The following DMD variants were observed in gnomAD, a reference collection of about 807,000 sequenced individuals.
DMD encodes dystrophin.
In DMD, 63 loss-of-function variants were observed where a neutral mutation model predicts 330.1. That is an observed-to-expected ratio of 0.19 (90% CI 0.16 to 0.24). DMD has a LOEUF of 0.24. Among genes scored for constraint, DMD ranks in the 10% least tolerant of loss-of-function variants. The pLI, the probability that DMD is intolerant of heterozygous loss-of-function variation, is 1.00. For missense variants in DMD, 3,344 were observed against 2,684.1 expected, an observed-to-expected ratio of 1.25 and a Z score of -5.43; for synonymous variants, 1,223 against 959.8, an observed-to-expected ratio of 1.27 and a Z score of -5.07.
intron 2 of DMD, among the ~76,000 whole-genome samples, chrX:32,999,912 G>A (rs1038695285): frequency 2.7e-5 from 3 of 112,549 alleles, no homozygotes; most frequent in Admixed American, 9.4e-5. Flanking sequence ...GAAGCGTCAC[G>A]TACACGTGTT....
chrX:32,575,055 G>A (rs1387121547), intron 13 of DMD, among the ~76,000 whole-genome samples: 1 of 110,413 alleles, frequency 9.1e-6, no homozygotes, highest in African/African-American at 3.3e-5. Flanking sequence ...CCACCACCAT[G>A]TCTGGCTAAT....
rs1205052509 is a variant in DMD, at chrX:31,449,779, T to TAGATAGATAG, written c.8938-5153_8938-5152insCTATCTATCT. Among the ~76,000 whole-genome samples, 221 of 90,419 alleles carry TAGATAGATAG rather than the reference T, an allele frequency of 2.4e-3. 1 individual carries two copies. Among genetic ancestry groups the TAGATAGATAG allele is most frequent in the African/African-American group, 7.5e-3 (178 of 23,836 alleles). The allele number at this position is 90,419 out of a possible 115,157, so 78.5% of individuals were successfully genotyped here. A position where few individuals can be genotyped will look rare whatever the true frequency, so the allele number is the denominator to read the frequency against. ...AAATGGTGTGATATATATATATATATATATATATATATATATATAGATAGA... is the reference window on the plus strand; with the variant it reads ...AAATGGTGTGATATATATATATATATAGATAGATAGATATATATATATATATATAGATAGA... On this transcript the variant is annotated intron_variant, in intron 59 of 78. Transcript: ENST00000357033.
chrX:32,051,141 C>A (rs2096111176), intron 44 of DMD, among the ~76,000 whole-genome samples: 2 of 109,230 alleles, frequency 1.8e-5, no homozygotes, highest in South Asian at 3.9e-4. Flanking sequence ...ATCACACCCA[C>A]AATTACTGAT....
intron 9 of DMD, among the ~76,000 whole-genome samples, chrX:32,652,276 TCCCTCCC>T (rs1265611856): frequency 1.4e-5 from 1 of 69,193 alleles, no homozygotes; most frequent in Non-Finnish European, 2.7e-5. Context: ...CCTAATACTA[TCCCTCCC>T]CCCTCCCCCC....
chrX:33,045,652 G>A (rs904072659), intron 1 of DMD, among the ~76,000 whole-genome samples: 1 of 108,813 alleles, frequency 9.2e-6, no homozygotes, highest in African/African-American at 3.4e-5. Flanking sequence ...GGGGTGTGGG[G>A]AGGGTCCTGA....
chrX:32,766,727 A>T (rs1321257625), intron 7 of DMD, among the ~76,000 whole-genome samples: 1 of 111,439 alleles, frequency 9.0e-6, no homozygotes, highest in Non-Finnish European at 1.9e-5. Flanking sequence ...AATATAGTTA[A>T]TAGAGTATTG....
chrX:32,979,858 G>A (rs757083863), intron 2 of DMD, among the ~76,000 whole-genome samples: 1 of 111,441 alleles, frequency 9.0e-6, no homozygotes, highest in South Asian at 3.8e-4. Context: ...AAAGGAGGCT[G>A]ATAGTAGTCC....
chrX:32,201,933 T>A (rs375308635), intron 44 of DMD, among the ~76,000 whole-genome samples: 4 of 112,256 alleles, frequency 3.6e-5, no homozygotes, highest in African/African-American at 1.3e-4. Context: ...CAGCTTATGA[T>A]AGAATTTTTA....
intron 62 of DMD, among the ~76,000 whole-genome samples, chrX:31,290,227 A>G (rs912972808): frequency 6.3e-5 from 7 of 110,544 alleles, no homozygotes; most frequent in African/African-American, 2.3e-4. Context: ...AGTCTTATTT[A>G]CTATTATTTT....
At chrX:31,862,901 G>A (rs1221677304) in intron 48 of DMD, among the ~76,000 whole-genome samples, 2 of 112,712 alleles carry the variant, frequency 1.8e-5, no homozygotes, top group African/African-American at 6.4e-5. Flanking sequence ...TCTGAAGATC[G>A]AGAAAGAGGC....
intron 54 of DMD, among the ~76,000 whole-genome samples, chrX:31,657,651 G>A (rs1220116294): frequency 1.8e-5 from 2 of 111,896 alleles, no homozygotes; most frequent in African/African-American, 6.5e-5. Context: ...AACAGGTAAG[G>A]CAGTGTGCGC....
At chrX:33,190,919 TATATA>T (rs2050545781) in intron 1 of DMD, among the ~76,000 whole-genome samples, 8 of 1,205 alleles carry the variant, frequency 6.6e-3, no homozygotes, top group African/African-American at 0.012. Flanking sequence ...TAATATTATA[TATATA>T]ATATTATATA....
At chrX:32,247,201 G>A (rs2097243334) in intron 43 of DMD, among the ~76,000 whole-genome samples, 2 of 111,588 alleles carry the variant, frequency 1.8e-5, no homozygotes, top group Admixed American at 1.9e-4. Flanking sequence ...TCACCACCTT[G>A]AGCAATTATC....
At chrX:32,344,852 C>T (rs2097758802) in intron 39 of DMD, among the ~76,000 whole-genome samples, 1 of 111,340 alleles carries the variant, frequency 9.0e-6, no homozygotes, top group South Asian at 3.8e-4. Context: ...AGTTACATAG[C>T]GTTCCGATTT....
chrX:33,079,876 A>G (rs915419726), intron 1 of DMD, among the ~76,000 whole-genome samples: 1 of 111,646 alleles, frequency 9.0e-6, no homozygotes, highest in Non-Finnish European at 1.9e-5. Flanking sequence ...CAGCATGAGG[A>G]TAACTGAATT....
chrX:32,801,821 A>C (rs188067209), intron 7 of DMD, among the ~76,000 whole-genome samples: 20 of 110,838 alleles, frequency 1.8e-4, no homozygotes, highest in East Asian at 8.6e-4. Context: ...ATGGTTGTAG[A>C]TGTGTGGTGT....
At chrX:31,139,507 A>ACACACACG (rs1491333086) in intron 76 of DMD, among the ~76,000 whole-genome samples, 3 of 106,934 alleles carry the variant, frequency 2.8e-5, no homozygotes, top group African/African-American at 1.0e-4. Flanking sequence ...ACACACACAC[A>ACACACACG]CGCCATGGAA....
intron 12 of DMD, among the ~76,000 whole-genome samples, chrX:32,597,202 A>G (rs906472510): frequency 9.8e-5 from 11 of 111,829 alleles, no homozygotes; most frequent in Admixed American, 9.5e-4. Flanking sequence ...TGAGCAAACT[A>G]TCCAATGTTG....
At chrX:33,256,858 C>T (rs914547062) in intron 1 of DMD, among the ~76,000 whole-genome samples, 1 of 110,684 alleles carries the variant, frequency 9.0e-6, no homozygotes, top group Non-Finnish European at 1.9e-5. Flanking sequence ...GACCACTATT[C>T]ATTTTTCCTG....
Sources: gnomAD v4.1 joint callset for allele counts (sites outside exome capture counted in the v4.1 genomes callset) on GRCh38, gnomAD v4.1.1 for gene constraint, MANE v1.5 for transcripts, NCBI Gene and HGNC (gene_info 2026-07-23, HGNC 2026-07-21) for gene names.